The following RUNDC3B variants were observed in gnomAD, a reference collection of about 807,000 sequenced individuals.
RUNDC3B encodes RUN domain containing 3B.
Under a neutral mutation model 58.4 loss-of-function variants are expected in RUNDC3B, and 33 were observed. The observed-to-expected ratio is 0.56, with a 90% CI of 0.43 to 0.75. The LOEUF (loss-of-function observed/expected upper bound fraction) is 0.75, where lower values mean the gene tolerates loss of function less well. Among genes scored for constraint, RUNDC3B ranks in the 30% least tolerant of loss-of-function variants. The probability of loss-of-function intolerance (pLI) is 0.00; values close to 1 mark genes in which losing one functional copy is unlikely to be tolerated. For missense variants in RUNDC3B, 501 were observed against 535.7 expected (o/e 0.94, Z 0.64); for synonymous variants, 193 against 195.2 (o/e 0.99, Z 0.10).
chr7:87,737,409 G>A (rs957209776), intron 4 of RUNDC3B, among the ~76,000 whole-genome samples: 4 of 152,168 alleles, frequency 2.6e-5, no homozygotes, highest in South Asian at 4.2e-4. Context: ...ATATTTGAAA[G>A]TATTGACCAC....
At chr7:87,708,285 G>A (rs1829781418) in intron 3 of RUNDC3B, among the ~76,000 whole-genome samples, 1 of 152,008 alleles carries the variant, frequency 6.6e-6, no homozygotes, top group South Asian at 2.1e-4. Context: ...ATAAATTACC[G>A]ATATGAGGAA....
intron 6 of RUNDC3B, among the ~76,000 whole-genome samples, chr7:87,755,959 A>C (rs1833346036): frequency 6.6e-6 from 1 of 152,156 alleles, no homozygotes; most frequent in Admixed American, 6.6e-5. Flanking sequence ...AAAATTTAAA[A>C]AATATTGTCC....
intron 6 of RUNDC3B, among the ~76,000 whole-genome samples, chr7:87,749,946 T>G (rs1207657982): frequency 6.6e-6 from 1 of 152,070 alleles, no homozygotes; most frequent in East Asian, 1.9e-4. Flanking sequence ...CTTACATATG[T>G]ATACATGTGC....
At chr7:87,638,475 A>G (rs1822067517) in intron 1 of RUNDC3B, among the ~76,000 whole-genome samples, 2 of 151,996 alleles carry the variant, frequency 1.3e-5, no homozygotes. Flanking sequence ...TGAACCGCAA[A>G]TTGTCTTTGT....
chr7:87,662,172 C>T (rs951273306), intron 2 of RUNDC3B, among the ~76,000 whole-genome samples: 18 of 152,080 alleles, frequency 1.2e-4, no homozygotes, highest in Admixed American at 1.1e-3. Context: ...GATGAGTAGT[C>T]TGCAAATATT....
At chr7:87,797,670 CAGTT>C (rs1382205360) in intron 8 of RUNDC3B, among the ~76,000 whole-genome samples, 8 of 152,228 alleles carry the variant, frequency 5.3e-5, no homozygotes, top group South Asian at 4.2e-4. Flanking sequence ...TTTCCCTCGT[CAGTT>C]AGGGTTTTTT....
At chr7:87,656,517 T>C (rs1824119882) in intron 2 of RUNDC3B, among the ~76,000 whole-genome samples, 1 of 151,824 alleles carries the variant, frequency 6.6e-6, no homozygotes. Flanking sequence ...AATATCAAGG[T>C]TTGTTTTGGA....
intron 2 of RUNDC3B, among the ~76,000 whole-genome samples, chr7:87,699,740 A>G (rs1218453609): frequency 6.6e-6 from 1 of 152,186 alleles, no homozygotes; most frequent in African/African-American, 2.4e-5. Context: ...CCTATGCACA[A>G]TAGAACATTT....
chr7:87,783,259 C>A (rs1835035965), intron 8 of RUNDC3B, among the ~76,000 whole-genome samples: 2 of 151,798 alleles, frequency 1.3e-5, no homozygotes, highest in South Asian at 4.1e-4. Context: ...ACCGTAATGA[C>A]CTTCTTTGTC....
chr7:87,715,269 TATA>T lies in RUNDC3B; in HGVS notation c.458+4620_458+4622del, dbSNP rs980865448. The stretch of plus-strand genomic sequence containing the variant: ...ATAATTATATTATATATAATTAATT[TATA>T]ATAATTATATATAATTAATTTATAA... On this transcript the variant is annotated intron_variant, in intron 4 of 10. Coordinates refer to ENST00000394654, the MANE Select transcript of RUNDC3B (RefSeq NM_001134405.2). Among the ~76,000 whole-genome samples, 17 of 133,568 alleles carry T rather than the reference TATA, an allele frequency of 1.3e-4. 1 individual carries two copies. The highest frequency in any genetic ancestry group is 1.2e-3 in the East Asian group (6 of 4,928). The allele number at this position is 133,568 out of a possible 152,430, so 87.6% of individuals were successfully genotyped here. A position where few individuals can be genotyped will look rare whatever the true frequency, so the allele number is the denominator to read the frequency against.
At chr7:87,722,303 T>C (rs918034320) in intron 4 of RUNDC3B, among the ~76,000 whole-genome samples, 2 of 152,114 alleles carry the variant, frequency 1.3e-5, no homozygotes, top group Non-Finnish European at 2.9e-5. Context: ...TCTCAAAATC[T>C]TATTCCTCTT....
chr7:87,652,621 G>GAGATATATATATATATATATATATAT (rs374832268), intron 2 of RUNDC3B, among the ~76,000 whole-genome samples: 7 of 125,408 alleles, frequency 5.6e-5, no homozygotes, highest in African/African-American at 2.4e-4. Context: ...TGTGGTCACT[G>GAGATATATATATATATATATATATAT]ATATATATAT....
chr7:87,814,603 A>G (rs1473650628), intron 9 of RUNDC3B, among the ~76,000 whole-genome samples: 1 of 152,190 alleles, frequency 6.6e-6, no homozygotes, highest in Non-Finnish European at 1.5e-5. Context: ...AAATAAGTTC[A>G]TATATATAAT....
intron 2 of RUNDC3B, among the ~76,000 whole-genome samples, chr7:87,670,636 T>G (rs1356305477): frequency 2.0e-5 from 3 of 152,244 alleles, no homozygotes; most frequent in African/African-American, 7.2e-5. Flanking sequence ...AGATTAAGTA[T>G]AGTCAACAGA....
At chr7:87,643,486 A>G (rs1451019621) in intron 1 of RUNDC3B, among the ~76,000 whole-genome samples, 1 of 152,176 alleles carries the variant, frequency 6.6e-6, no homozygotes, top group Non-Finnish European at 1.5e-5. Flanking sequence ...TTAGAAAAGA[A>G]AGAGGAAAAT....
rs1408135511 is a variant in RUNDC3B, at chr7:87,762,396, TG to T, written c.630-8184del. 2.0e-5 allele frequency among the ~76,000 whole-genome samples: 3 copies of T among 151,488 alleles called. No individual in the cohort carries two copies. In the East Asian group the frequency reaches 5.8e-4, roughly 29 times the overall value. The stretch of plus-strand genomic sequence containing the variant: ...TTTGTTTACAGTTTTTACATCCATA[TG>T]TGTATGAATTTTACATCTATATGTG... On this transcript the variant is annotated intron_variant, in intron 6 of 10. Transcript: ENST00000394654.
intron 2 of RUNDC3B, among the ~76,000 whole-genome samples, chr7:87,656,370 T>C (rs1474990859): frequency 6.6e-6 from 1 of 151,992 alleles, no homozygotes; most frequent in African/African-American, 2.4e-5. Flanking sequence ...TATGCATTAG[T>C]AGTATTAAGA....
In RUNDC3B at chr7:87,831,952, A is replaced by C. The variant is rs1838147574; in HGVS notation, c.*1922A>C. On this transcript the variant is annotated 3_prime_UTR_variant, in exon 11 of 11. Coordinates refer to ENST00000394654, the MANE Select transcript of RUNDC3B (RefSeq NM_001134405.2). ...ATCGTAAAATTTTTCAGATTTGTCT[A>C]ATGTGTAATTTGTGCATCTTCACAT... 1.3e-5 allele frequency: 2 copies of C among 152,012 alleles called. No individual in the cohort carries two copies. Among genetic ancestry groups the C allele is most frequent in the Non-Finnish European group, 2.9e-5 (2 of 67,902 alleles). 9.4% of individuals were successfully genotyped at this position (152,012 alleles called of 1,614,324 possible).
At chr7:87,773,900 A>C (rs372479190) in intron 7 of RUNDC3B, among the ~76,000 whole-genome samples, 4 of 151,688 alleles carry the variant, frequency 2.6e-5, no homozygotes, top group East Asian at 1.9e-4. Flanking sequence ...CTGGTCTCTA[A>C]CTCCTGACCT....
Sources: gnomAD v4.1 joint callset for allele counts (sites outside exome capture counted in the v4.1 genomes callset) on GRCh38, gnomAD v4.1.1 for gene constraint, MANE v1.5 for transcripts, NCBI Gene and HGNC (gene_info 2026-07-23, HGNC 2026-07-21) for gene names.